Variants in GRIN2B observed in about 807,000 individuals in gnomAD.
GRIN2B encodes glutamate ionotropic receptor NMDA type subunit 2B.
GRIN2B carries 5 observed loss-of-function variants against 114.5 expected under a neutral mutation model. The observed-to-expected ratio is 0.04, with a 90% CI of 0.02 to 0.09. The LOEUF is 0.09. GRIN2B is among the 10% of genes least tolerant of loss of function. The probability of loss-of-function intolerance (pLI) is 1.00; values close to 1 mark genes in which losing one functional copy is unlikely to be tolerated. For synonymous variants in GRIN2B, 787 were observed against 745.1 expected (o/e 1.06, Z -0.92); for missense variants, 1,108 against 1,943.5 (o/e 0.57, Z 8.08).
chr12:13,566,625 A>G (rs1256958149), intron 13 of GRIN2B, among the ~76,000 whole-genome samples: 1 of 152,264 alleles, frequency 6.6e-6, no homozygotes, highest in Non-Finnish European at 1.5e-5. Flanking sequence ...TTTGTATGTT[A>G]AAATAAGAGA....
At chr12:13,889,692 C>T (rs1210934188) in intron 2 of GRIN2B, among the ~76,000 whole-genome samples, 5 of 152,130 alleles carry the variant, frequency 3.3e-5, no homozygotes, top group East Asian at 1.9e-4. Context: ...CATTTTCCCC[C>T]GAAACTATCA....
At chr12:13,939,120 TA>T (rs1378907755) in intron 2 of GRIN2B, among the ~76,000 whole-genome samples, 1 of 152,216 alleles carries the variant, frequency 6.6e-6, no homozygotes, top group African/African-American at 2.4e-5. Context: ...TTATTGTTAC[TA>T]ATCAACTTTG....
Position 13,548,256 on chromosome 12 carries a change from A to T in GRIN2B, c.*14527T>A, listed in dbSNP as rs1948370796. ...CCTAAGGGATACTTGAAATAGGAAG[A>T]TATCTTTATGTTGTGTATACTCGGT... On this transcript the variant is annotated 3_prime_UTR_variant, in exon 14 of 14. Coordinates refer to ENST00000609686, the MANE Select transcript of GRIN2B (RefSeq NM_000834.5). The T allele has an allele frequency of 6.6e-6, 1 of 151,870 alleles. No individual in the cohort carries two copies. The highest frequency in any genetic ancestry group is 1.5e-5 in the Non-Finnish European group (1 of 67,988). The allele number at this position is 151,870 out of a possible 1,614,324, so 9.4% of individuals were successfully genotyped here.
intron 3 of GRIN2B, among the ~76,000 whole-genome samples, chr12:13,805,414 C>T (rs1864584023): frequency 6.6e-6 from 1 of 152,092 alleles, no homozygotes; most frequent in Admixed American, 6.6e-5. Flanking sequence ...TCCAAAACTA[C>T]AAGATGGTAT....
At chr12:13,805,318 A>G (rs1269099429) in intron 3 of GRIN2B, among the ~76,000 whole-genome samples, 1 of 152,170 alleles carries the variant, frequency 6.6e-6, no homozygotes, top group East Asian at 1.9e-4. Context: ...ATTTCCTAGC[A>G]GAAACCAGAG....
chr12:13,703,570 C>T (rs995688070), intron 4 of GRIN2B, among the ~76,000 whole-genome samples: 2 of 152,070 alleles, frequency 1.3e-5, no homozygotes, highest in Non-Finnish European at 2.9e-5. Context: ...TCATTCAATA[C>T]TTTAATCTCT....
At chr12:13,929,296 T>C (rs962323874) in intron 2 of GRIN2B, among the ~76,000 whole-genome samples, 3 of 152,088 alleles carry the variant, frequency 2.0e-5, no homozygotes, top group African/African-American at 4.8e-5. Flanking sequence ...CTAACTTGCA[T>C]AGATTCACAG....
chr12:13,872,205 C>A (rs1319112974), intron 2 of GRIN2B, among the ~76,000 whole-genome samples: 2 of 151,334 alleles, frequency 1.3e-5, no homozygotes, highest in East Asian at 3.9e-4. Context: ...AAAAAAAAAA[C>A]CTTAAAAATT....
Position 13,781,295 on chromosome 12 carries a change from T to A in GRIN2B, c.412-27380A>T, listed in dbSNP as rs145048915. Among the ~76,000 whole-genome samples the A allele has an allele frequency of 5.6e-4, 86 of 152,348 alleles. 2 individuals are homozygous for A. In the East Asian group the frequency reaches 0.016, roughly 28 times the overall value. On this transcript the variant is annotated intron_variant, in intron 3 of 13. Coordinates refer to ENST00000609686, the MANE Select transcript of GRIN2B (RefSeq NM_000834.5). ...CATAATCAAATGATATTCGTCTGGGTTAAATGTGAAACCAACTTCATAAAG... is the reference window on the plus strand; with the variant it reads ...CATAATCAAATGATATTCGTCTGGGATAAATGTGAAACCAACTTCATAAAG...
At chr12:13,600,203 CCCTT>C (rs1160942933) in intron 10 of GRIN2B, among the ~76,000 whole-genome samples, 3 of 152,096 alleles carry the variant, frequency 2.0e-5, no homozygotes, top group Non-Finnish European at 2.9e-5. Context: ...CTCCCTCCCT[CCCTT>C]CCTTCCTTCC....
At chr12:13,702,398 G>T (rs1950321090) in intron 4 of GRIN2B, among the ~76,000 whole-genome samples, 2 of 152,254 alleles carry the variant, frequency 1.3e-5, no homozygotes, top group Middle Eastern at 3.4e-3. Flanking sequence ...GCATCTGTTT[G>T]CTCAGAGATT....
At chr12:13,596,108 C>T (rs988685647) in intron 10 of GRIN2B, among the ~76,000 whole-genome samples, 5 of 151,976 alleles carry the variant, frequency 3.3e-5, no homozygotes, top group Non-Finnish European at 5.9e-5. Flanking sequence ...TGACACAATG[C>T]TGTTAGCCAT....
intron 3 of GRIN2B, among the ~76,000 whole-genome samples, chr12:13,805,980 G>A (rs1864592681): frequency 6.6e-6 from 1 of 152,094 alleles, no homozygotes; most frequent in Non-Finnish European, 1.5e-5. Context: ...ATCATACAGT[G>A]TTTGTCTTTC....
At chr12:13,722,653 T>A (rs1229691803) in intron 4 of GRIN2B, among the ~76,000 whole-genome samples, 1 of 151,918 alleles carries the variant, frequency 6.6e-6, no homozygotes, top group African/African-American at 2.4e-5. Flanking sequence ...AGGCTCAGAG[T>A]GACAAGAGAG....
intron 2 of GRIN2B, among the ~76,000 whole-genome samples, chr12:13,921,694 A>G (rs1866827156): frequency 6.6e-6 from 1 of 152,148 alleles, no homozygotes; most frequent in South Asian, 2.1e-4. Context: ...GTCAGGTTCA[A>G]TGAAGTCAGA....
intron 3 of GRIN2B, among the ~76,000 whole-genome samples, chr12:13,811,724 T>C (rs1440998551): frequency 6.6e-6 from 1 of 152,196 alleles, no homozygotes; most frequent in Non-Finnish European, 1.5e-5. Context: ...AGTAGAACAT[T>C]CCAGGCTTAA....
chr12:13,639,328 G>A (rs1949691592), intron 5 of GRIN2B, among the ~76,000 whole-genome samples: 1 of 152,242 alleles, frequency 6.6e-6, no homozygotes, highest in East Asian at 1.9e-4. Flanking sequence ...CAAAGATTCT[G>A]CAGTGGTAGA....
At chr12:13,817,501 C>T (rs754815191) in intron 3 of GRIN2B, among the ~76,000 whole-genome samples, 1 of 152,072 alleles carries the variant, frequency 6.6e-6, no homozygotes, top group Non-Finnish European at 1.5e-5. Flanking sequence ...CTTTCTCCAC[C>T]TGATAAAATA....
chr12:13,773,577 A>G (rs553635980), intron 3 of GRIN2B, among the ~76,000 whole-genome samples: 5 of 152,220 alleles, frequency 3.3e-5, no homozygotes, highest in Non-Finnish European at 7.3e-5. Flanking sequence ...GAGTATGACG[A>G]AACTGTTCTT....
Sources: gnomAD v4.1 joint callset for allele counts (sites outside exome capture counted in the v4.1 genomes callset) on GRCh38, gnomAD v4.1.1 for gene constraint, MANE v1.5 for transcripts, NCBI Gene and HGNC (gene_info 2026-07-23, HGNC 2026-07-21) for gene names.